The following STK32A variants were observed in gnomAD, a reference collection of about 807,000 sequenced individuals.
The protein encoded by STK32A is serine/threonine kinase 32A.
STK32A carries 41 observed loss-of-function variants against 53.2 expected under a neutral mutation model. That is an observed-to-expected ratio of 0.77 (90% CI 0.60 to 1.00). The LOEUF is 1.00. STK32A is among the 50% of genes least tolerant of loss of function. The pLI is 0.00. For synonymous variants in STK32A, 166 were observed against 162.8 expected (o/e 1.02, Z -0.15); for missense variants, 458 against 485.8 (o/e 0.94, Z 0.54).
At chr5:147,359,781 A>G (rs1369006695) in intron 7 of STK32A, among the ~76,000 whole-genome samples, 1 of 152,220 alleles carries the variant, frequency 6.6e-6, no homozygotes, top group Non-Finnish European at 1.5e-5. Flanking sequence ...AGGTGAATGC[A>G]CTAGGGAAAT....
chr5:147,364,382 G>A (rs191635008), intron 8 of STK32A, among the ~76,000 whole-genome samples: 560 of 152,068 alleles, frequency 3.7e-3, no homozygotes, highest in Non-Finnish European at 6.0e-3. Flanking sequence ...CCTCATTTCT[G>A]TCAGACCTCA....
At chr5:147,293,999 G>A (rs1034072351) in intron 4 of STK32A, among the ~76,000 whole-genome samples, 1 of 152,118 alleles carries the variant, frequency 6.6e-6, no homozygotes, top group Admixed American at 6.5e-5. Flanking sequence ...TTTGACTGCA[G>A]AAGATAAGAT....
chr5:147,279,368 G>A lies in STK32A; in HGVS notation c.230G>A (p.Gly77Asp). 1.2e-6 allele frequency: 2 copies of A among 1,604,462 alleles called. No homozygotes were observed. Among genetic ancestry groups the A allele is most frequent in the South Asian group, 2.2e-5 (2 of 89,506 alleles). Residue 77 changes from glycine (G) to aspartate (D), a missense_variant, in exon 4 of 13, where the codon GGT (glycine) becomes GAT (aspartate). Physicochemically the swap from Gly to Asp is moderately conservative, Grantham distance 94. Transcript: ENST00000397936. ...TTCAAGGAACTCCAGATCATGCAGGGTCTGGAGCACCCTTTCCTGGTTAAT... is the reference window on the plus strand; with the variant it reads ...TTCAAGGAACTCCAGATCATGCAGGATCTGGAGCACCCTTTCCTGGTTAAT... The part of the protein sequence containing the change: ...NVFKELQIMQ[G>D]LEHPFLVNLW...
At chr5:147,325,490 AG>A (rs1754536417) in intron 5 of STK32A, among the ~76,000 whole-genome samples, 1 of 152,172 alleles carries the variant, frequency 6.6e-6, no homozygotes. Flanking sequence ...CTATAGATGA[AG>A]GTGAAGCATC....
At chr5:147,267,689 C>T (rs1001516729) in intron 2 of STK32A, among the ~76,000 whole-genome samples, 11 of 152,202 alleles carry the variant, frequency 7.2e-5, no homozygotes, top group African/African-American at 2.6e-4. Flanking sequence ...TTGCTTCAAA[C>T]CCATAAGGAT....
At chr5:147,395,814 G>T in the STK32A span, 8 of 1,436,958 alleles carry the variant, frequency 5.6e-6, no homozygotes, top group Middle Eastern at 1.8e-4. Flanking sequence ...TACAGTGTGT[G>T]GTGGGAGCTA....
chr5:147,249,908 CAAAAAAAAAA>C lies in STK32A; in HGVS notation c.52+10237_52+10246del, dbSNP rs35848112. On this transcript the variant is annotated intron_variant, in intron 2 of 12. Transcript: ENST00000397936. ...TGGGCAACAGAGTAAGCCTCTGTCT[CAAAAAAAAAA>C]AAAAAAAAAAAAAAGTGGCCTCATC... Among the ~76,000 whole-genome samples, 180 of 58,578 alleles carry C rather than the reference CAAAAAAAAAA, an allele frequency of 3.1e-3. 1 individual carries two copies. Among genetic ancestry groups the C allele is most frequent in the African/African-American group, 0.011 (168 of 14,852 alleles). The allele number at this position is 58,578 out of a possible 152,430, so 38.4% of individuals were successfully genotyped here.
At chr5:147,377,506 G>A (rs1757280183) in intron 11 of STK32A, among the ~76,000 whole-genome samples, 1 of 151,952 alleles carries the variant, frequency 6.6e-6, no homozygotes, top group African/African-American at 2.4e-5. Context: ...TGTTGCTATT[G>A]AAAACTCGAC....
Position 147,383,456 on chromosome 5 carries a change from G to A in STK32A, c.1048G>A (p.Glu350Lys), listed in dbSNP as rs911745696. 6.3e-7 allele frequency: 1 copy of A among 1,598,126 alleles called. No individual in the cohort carries two copies. Among genetic ancestry groups the A allele is most frequent in the Non-Finnish European group, 8.5e-7 (1 of 1,171,978 alleles). The change falls in exon 12 of 13, where the codon GAG (glutamate) becomes AAG (lysine). Residue 350 changes from glutamate (E) to lysine (K), a missense_variant. Physicochemically the swap from Glu to Lys is moderately conservative, Grantham distance 56. Coordinates refer to ENST00000397936, the MANE Select transcript of STK32A (RefSeq NM_001112724.2). Reference protein sequence around the residue: ...CDSSQTCLLQEHLDSVQKEFI... With the variant: ...CDSSQTCLLQKHLDSVQKEFI... ...CACCTGGAAGACATGTCTTCTTCAA[G>A]AGCACCTTGACTCTGTCCAGAAGGA... is the stretch of plus-strand genomic sequence containing the variant.
intron 4 of STK32A, among the ~76,000 whole-genome samples, chr5:147,284,696 C>CAAA (rs869167577): frequency 5.8e-5 from 3 of 51,652 alleles, no homozygotes; most frequent in East Asian, 4.5e-4. Context: ...CAAGACAAAA[C>CAAA]AAAAAAACAA....
At chr5:147,298,223 G>C (rs1280089738) in intron 4 of STK32A, among the ~76,000 whole-genome samples, 1 of 152,156 alleles carries the variant, frequency 6.6e-6, no homozygotes, top group East Asian at 1.9e-4. Flanking sequence ...AGATGGAGCA[G>C]TTAGAGGTGA....
At chr5:147,254,272 C>T (rs562615682) in intron 2 of STK32A, among the ~76,000 whole-genome samples, 1 of 152,302 alleles carries the variant, frequency 6.6e-6, no homozygotes, top group South Asian at 2.1e-4. Context: ...TTGACTGCTT[C>T]TTCAACTCTT....
At chr5:147,344,049 G>C (rs1313061654) in intron 6 of STK32A, among the ~76,000 whole-genome samples, 1 of 152,080 alleles carries the variant, frequency 6.6e-6, no homozygotes, top group Non-Finnish European at 1.5e-5. Flanking sequence ...GATCTGCAGG[G>C]CACAAAAACT....
intron 6 of STK32A, among the ~76,000 whole-genome samples, chr5:147,348,528 A>C (rs1424965796): frequency 6.6e-6 from 1 of 152,188 alleles, no homozygotes; most frequent in African/African-American, 2.4e-5. Flanking sequence ...TGGGCACTAC[A>C]TTGTAGGAAT....
chr5:147,352,421 A>G (rs1190887828), intron 7 of STK32A, among the ~76,000 whole-genome samples: 1 of 152,196 alleles, frequency 6.6e-6, no homozygotes, highest in Non-Finnish European at 1.5e-5. Context: ...TAACAAATCA[A>G]CTACAAAAAC....
At chr5:147,334,397 T>C (rs941523391) in intron 5 of STK32A, among the ~76,000 whole-genome samples, 8 of 152,226 alleles carry the variant, frequency 5.3e-5, no homozygotes, top group Non-Finnish European at 8.8e-5. Flanking sequence ...TACTAGTAAT[T>C]TATGGATGGC....
In STK32A at chr5:147,260,226, TC is replaced by T. The variant is rs1228809225; in HGVS notation, c.53-17896del. 8.1e-4 allele frequency among the ~76,000 whole-genome samples: 87 copies of T among 107,160 alleles called. 2 individuals are homozygous for T. Among genetic ancestry groups the T allele is most frequent in the African/African-American group, 3.1e-3 (83 of 26,764 alleles). 70.3% of individuals were successfully genotyped at this position (107,160 alleles called of 152,430 possible). The stretch of plus-strand genomic sequence containing the variant: ...CCTCTCTCTCTCCTCTCTCTCTCTC[TC>T]CTCTCTGTCTCTGTCTCTCTCTCTC... On this transcript the variant is annotated intron_variant, in intron 2 of 12. Transcript: ENST00000397936.
chr5:147,333,696 A>T (rs1170168961), intron 5 of STK32A, among the ~76,000 whole-genome samples: 2 of 152,152 alleles, frequency 1.3e-5, no homozygotes, highest in East Asian at 3.9e-4. Context: ...TATTATACCC[A>T]TTTGCTTTGA....
intron 5 of STK32A, among the ~76,000 whole-genome samples, chr5:147,339,488 C>T (rs777643150): frequency 2.6e-5 from 4 of 152,246 alleles, no homozygotes; most frequent in Non-Finnish European, 5.9e-5. Context: ...CACAGAGTTC[C>T]CACTAGGGCA....
Sources: allele counts gnomAD v4.1 joint callset (sites outside exome capture counted in the v4.1 genomes callset), GRCh38; gene constraint gnomAD v4.1.1; transcripts MANE v1.5; gene names NCBI Gene and HGNC (gene_info 2026-07-23, HGNC 2026-07-21).